LDLRAD2: variants seen among roughly 807,000 people sequenced by gnomAD.
The protein encoded by LDLRAD2 is low density lipoprotein receptor class A domain containing 2, also known as low-density lipoprotein receptor class A domain-containing protein 2.
Under a neutral mutation model 24.9 loss-of-function variants are expected in LDLRAD2, and 25 were observed. That is an observed-to-expected ratio of 1.00 (90% CI 0.73 to 1.40). The LOEUF (loss-of-function observed/expected upper bound fraction) is 1.40, where lower values mean the gene tolerates loss of function less well. LDLRAD2 is among the 40% of genes most tolerant of loss of function. LDLRAD2 has a pLI of 0.00. For synonymous variants in LDLRAD2, 182 were observed against 166.7 expected (o/e 1.09, Z -0.71); for missense variants, 391 against 366.2 (o/e 1.07, Z -0.55).
Position 21,822,316 on chromosome 1 carries a change from G to A in LDLRAD2, c.*101G>A. On this transcript the variant is annotated 3_prime_UTR_variant, in exon 5 of 5. Transcript: ENST00000344642. ...AGGAGGGTCCCTTCTAGGACACAGA[G>A]GCCAGGCGTCCCAACCCCACAGTCT... The A allele has an allele frequency of 7.9e-7, 1 of 1,258,386 alleles. No homozygotes were observed. The highest frequency in any genetic ancestry group is 1.2e-6 in the Non-Finnish European group (1 of 866,806). The allele number at this position is 1,258,386 out of a possible 1,614,324, so 78.0% of individuals were successfully genotyped here. A position where few individuals can be genotyped will look rare whatever the true frequency, so the allele number is the denominator to read the frequency against.
In LDLRAD2 at chr1:21,823,194, T is replaced by A; in HGVS notation, c.*979T>A. 7.2e-6 allele frequency: 7 copies of A among 977,278 alleles called. No homozygotes were observed. In the South Asian group the frequency reaches 1.6e-4, roughly 22 times the overall value. 60.5% of individuals were successfully genotyped at this position (977,278 alleles called of 1,614,324 possible). The stretch of plus-strand genomic sequence containing the variant: ...CCACCTCCAGTCCAGCCCAGGGCGG[T>A]AGCAGCAAAGCGTGGCATCGCCTCG... On this transcript the variant is annotated 3_prime_UTR_variant, in exon 5 of 5. Coordinates refer to ENST00000344642, the MANE Select transcript of LDLRAD2 (RefSeq NM_001013693.3).
In LDLRAD2 at chr1:21,824,609, G is replaced by A. The variant is rs762283434; in HGVS notation, c.*2394G>A. 13 of 1,613,922 alleles carry A rather than the reference G, an allele frequency of 8.1e-6. No homozygotes were observed. The highest frequency in any genetic ancestry group is 1.1e-5 in the South Asian group (1 of 91,092). On this transcript the variant is annotated 3_prime_UTR_variant, in exon 5 of 5. Transcript: ENST00000344642. This position sits in a 1 kb window ranked among gnomAD's most constrained non-coding sequence, Gnocchi z 5.9. ...CCAGCTCGATGGTCTCGGGCACCTC[G>A]GGCAGGCTGCGGAGGAAGAGCGGGT...
At chr1:21,821,248 A>T (rs750409542) in intron 3 of LDLRAD2, among the ~76,000 whole-genome samples, 5 of 152,102 alleles carry the variant, frequency 3.3e-5, no homozygotes, top group African/African-American at 1.2e-4. Flanking sequence ...CCACTCATAG[A>T]CCTTAGGCCC....
At position 21,814,743 on chromosome 1, in the gene LDLRAD2, C is replaced by T. The variant is rs2097942141; in HGVS notation, c.431C>T (p.Pro144Leu). ...NIPVPVASSG[P>L]FLGLRLVTRG... is the part of the protein sequence containing the mutation. Reference sequence around the variant, plus strand: ...CCGGTGCCTGTGGCATCCTCCGGACCCTTTCTAGGCCTGCGCCTGGTCACG... The same window carrying T: ...CCGGTGCCTGTGGCATCCTCCGGACTCTTTCTAGGCCTGCGCCTGGTCACG... Residue 144 changes from proline to leucine, a missense_variant, in exon 2 of 5, where the codon CCC (proline) becomes CTC (leucine). By Grantham distance (98) the Pro-to-Leu change is moderately conservative (BLOSUM62 -3). Transcript: ENST00000344642. 7.8e-6 allele frequency: 12 copies of T among 1,532,742 alleles called. No individual in the cohort carries two copies. The highest frequency in any genetic ancestry group is 1.1e-5 in the Non-Finnish European group (12 of 1,142,366). The allele number at this position is 1,532,742 out of a possible 1,614,324, so 94.9% of individuals were successfully genotyped here.
chr1:21,814,914 G>A (rs2097942388), intron 2 of LDLRAD2, 91 bp downstream of exon 2: 6 of 1,227,622 alleles, frequency 4.9e-6, no homozygotes, highest in East Asian at 3.0e-5. Flanking sequence ...GGCCGCTGCC[G>A]ACAGGGGAAT....
chr1:21,815,419 G>A (rs975232379), intron 2 of LDLRAD2, among the ~76,000 whole-genome samples: 4 of 152,190 alleles, frequency 2.6e-5, no homozygotes, highest in Non-Finnish European at 5.9e-5. Context: ...CTTAGGACTC[G>A]CCAGGCCTGT....
chr1:21,816,093 C>G lies in LDLRAD2; in HGVS notation c.643+19C>G, dbSNP rs116795005. 4.1e-3 allele frequency: 6,632 copies of G among 1,610,338 alleles called. 226 individuals carry two copies. In the African/African-American group the frequency reaches 0.078, roughly 19 times the overall value. ...TGCAGAGGTCAGTGCGGGGTGTGGA[C>G]TGGGCCCTACTGAACAGCTGGAGGG... On this transcript the variant is annotated intron_variant, in intron 3 of 4. Transcript: ENST00000344642.
At chr1:21,818,291 C>T (rs187877552) in intron 3 of LDLRAD2, among the ~76,000 whole-genome samples, 138 of 152,322 alleles carry the variant, frequency 9.1e-4, no homozygotes, top group African/African-American at 2.9e-3. Flanking sequence ...GGATTACAGG[C>T]GTGAGCCTCC....
Position 21,821,600 on chromosome 1 carries a change from C to A in LDLRAD2, c.794C>A (p.Ala265Glu). The A allele has an allele frequency of 6.2e-7, 1 of 1,613,966 alleles. No individual in the cohort carries two copies. Among genetic ancestry groups the A allele is most frequent in the South Asian group, 1.1e-5 (1 of 91,084 alleles). Residue 265 changes from alanine (A) to glutamate (E), a missense_variant, in exon 4 of 5, where the codon GCA becomes GAA. Physicochemically the swap from Ala to Glu is moderately radical, Grantham distance 107. Transcript: ENST00000344642. Reference sequence around the variant, plus strand: ...GGCAGGGACCCCACGAGACAAGACGCAGCTTTGGAAGGTTACACCTTGCTC... The same window carrying A: ...GGCAGGGACCCCACGAGACAAGACGAAGCTTTGGAAGGTTACACCTTGCTC... ...PAGRDPTRQDAALEGSTE is the reference protein window; with the variant it reads ...PAGRDPTRQDEALEGSTE
chr1:21,818,723 T>C (rs1485839879), intron 3 of LDLRAD2, among the ~76,000 whole-genome samples: 1 of 152,128 alleles, frequency 6.6e-6, no homozygotes, highest in Non-Finnish European at 1.5e-5. Flanking sequence ...AGAGGTACCT[T>C]TTAAAACAGT....
intron 3 of LDLRAD2, among the ~76,000 whole-genome samples, chr1:21,819,373 A>G (rs2097947709): frequency 6.6e-6 from 1 of 151,720 alleles, no homozygotes; most frequent in African/African-American, 2.4e-5. Flanking sequence ...AACTGTCTCA[A>G]AAAAAAAGTT....
In LDLRAD2 at chr1:21,812,545, CA is replaced by C. The variant is rs1363839698; in HGVS notation, c.85+10del. On this transcript the variant is annotated intron_variant, in intron 1 of 4. Transcript: ENST00000344642. Reference sequence around the variant, plus strand: ...AACTGCTTTGGAGACAGGTAAGTATCAGGGGGCTTGGTTGGGGCACCCAGAA... The same window carrying C: ...AACTGCTTTGGAGACAGGTAAGTATCGGGGGCTTGGTTGGGGCACCCAGAA... 5 of 1,613,488 alleles carry C rather than the reference CA, an allele frequency of 3.1e-6. No homozygotes were observed. The highest frequency in any genetic ancestry group is 1.7e-4 in the Middle Eastern group (1 of 6,060).
At position 21,824,228 on chromosome 1, in the gene LDLRAD2, G is replaced by A. The variant is rs369215923; in HGVS notation, c.*2013G>A. 1.7e-5 allele frequency: 28 copies of A among 1,613,484 alleles called. 1 individual carries two copies. In the African/African-American group the frequency reaches 2.0e-4, roughly 12 times the overall value. On this transcript the variant is annotated 3_prime_UTR_variant, in exon 5 of 5. Transcript: ENST00000344642. The surrounding 1 kb of genome is among the most constrained non-coding windows in gnomAD (Gnocchi z 5.9). Reference sequence around the variant, plus strand: ...ACCTGCAGTCATCCAGGCCCAAGAAGTATGAGCTGGGGCAGGACCGGGGGG... The same window carrying A: ...ACCTGCAGTCATCCAGGCCCAAGAAATATGAGCTGGGGCAGGACCGGGGGG...
rs1310147424 is a variant in LDLRAD2 at position 21,814,563 on chromosome 1, TC to T, written c.253del (p.Leu85TrpfsTer5). The T allele has an allele frequency of 6.2e-7, 1 of 1,612,200 alleles. No individual in the cohort carries two copies. Among genetic ancestry groups the T allele is most frequent in the Non-Finnish European group, 8.5e-7 (1 of 1,179,532 alleles). ...GDRIRFQFRF[F>X]LVYSLTPAPP... ...CGGATCCGCTTCCAGTTCCGCTTCTTCCTGGTCTACAGCCTGACCCCCGCGC... is the reference window on the plus strand; with the variant it reads ...CGGATCCGCTTCCAGTTCCGCTTCTTCTGGTCTACAGCCTGACCCCCGCGC... On this transcript the variant is annotated frameshift_variant, in exon 2 of 5. Transcript: ENST00000344642. LOFTEE classifies it high-confidence loss of function.
chr1:21,818,890 C>A (rs1460624475), intron 3 of LDLRAD2, among the ~76,000 whole-genome samples: 1 of 132,938 alleles, frequency 7.5e-6, no homozygotes, highest in Non-Finnish European at 1.6e-5. Flanking sequence ...CCACCCCTCC[C>A]TGGCCCCGCC....
intron 3 of LDLRAD2, among the ~76,000 whole-genome samples, chr1:21,818,235 C>T (rs2097946176): frequency 6.7e-6 from 1 of 148,810 alleles, no homozygotes; most frequent in Admixed American, 6.7e-5. Context: ...TGGTCTCAAA[C>T]TCCTGACCTC....
rs776311518 is a variant in LDLRAD2 at position 21,814,410 on chromosome 1, AACTGTGCGGG to A, written c.99_108del (p.Glu33AspfsTer54). ...CCTTCCGCTGCAGCCGACCTGGCGG[AACTGTGCGGG>A]CAGACGTGGCAGGGGGACGGGCTGC... On this transcript the variant is annotated frameshift_variant, in exon 2 of 5. Coordinates refer to ENST00000344642, the MANE Select transcript of LDLRAD2 (RefSeq NM_001013693.3). LOFTEE classifies it high-confidence loss of function. 2.0e-5 allele frequency: 32 copies of A among 1,600,186 alleles called. No individual in the cohort carries two copies. Among genetic ancestry groups the A allele is most frequent in the Non-Finnish European group, 2.6e-5 (30 of 1,173,092 alleles).
At chr1:21,818,850 G>C (rs1311680703) in intron 3 of LDLRAD2, among the ~76,000 whole-genome samples, 1 of 150,106 alleles carries the variant, frequency 6.7e-6, no homozygotes, top group Non-Finnish European at 1.5e-5. Context: ...TCCTGGCCTC[G>C]CCTCTTCCTT....
At position 21,817,586 on chromosome 1, in the gene LDLRAD2, A is replaced by G. The variant is rs757190784; in HGVS notation, c.643+1512A>G. Among the ~76,000 whole-genome samples the G allele has an allele frequency of 4.5e-4, 69 of 152,026 alleles. 1 individual carries two copies. The highest frequency in any genetic ancestry group is 3.9e-4 in the Admixed American group (6 of 15,246). On this transcript the variant is annotated intron_variant, in intron 3 of 4. Transcript: ENST00000344642. ...GAACTCCTGGACTCAAGATCTTCCCACCTTGGCCTCCCAAAGTGCTGGGAT... is the reference window on the plus strand; with the variant it reads ...GAACTCCTGGACTCAAGATCTTCCCGCCTTGGCCTCCCAAAGTGCTGGGAT...
Sources: gnomAD v4.1 joint callset for allele counts (sites outside exome capture counted in the v4.1 genomes callset) on GRCh38, gnomAD v4.1.1 for gene constraint, Gnocchi (gnomAD v3.1) non-coding constraint, MANE v1.5 for transcripts, NCBI Gene and HGNC (gene_info 2026-07-23, HGNC 2026-07-21) for gene names.